LTF: variants seen among roughly 807,000 people sequenced by gnomAD.
The protein encoded by LTF is lactotransferrin, also known as epididymis luminal protein 110.
A neutral mutation model predicts 87.2 loss-of-function variants in LTF; 91 were observed. The ratio of observed to expected loss-of-function variants is 1.04; its 90% CI spans 0.88 to 1.24. The LOEUF is 1.24. Among genes scored for constraint, LTF ranks in the 50% most tolerant of loss-of-function variants. The pLI is 0.00. For missense variants in LTF, 901 were observed against 904.3 expected, an observed-to-expected ratio of 1.00 and a Z score of 0.05; for synonymous variants, 378 against 356.1, an observed-to-expected ratio of 1.06 and a Z score of -0.69.
intron 2 of LTF, among the ~76,000 whole-genome samples, 178 bp downstream of exon 2, chr3:46,459,476 CTT>C (rs1435292349): frequency 6.6e-6 from 1 of 152,246 alleles, no homozygotes; most frequent in Non-Finnish European, 1.5e-5. Flanking sequence ...GGTCTCTTGA[CTT>C]AAGCTCCTTC....
At chr3:46,438,865 A>T (rs1445046355) in intron 15 of LTF, among the ~76,000 whole-genome samples, 1 of 152,198 alleles carries the variant, frequency 6.6e-6, no homozygotes, top group East Asian at 1.9e-4. Context: ...TCTATAGGGC[A>T]CCTTCTGAGT....
At chr3:46,457,682 C>T (rs7629657) in intron 2 of LTF, among the ~76,000 whole-genome samples, 18,177 of 152,254 alleles carry the variant, frequency 0.12, 1,305 homozygotes, top group Admixed American at 0.21. Context: ...GTAAGGGGAA[C>T]ATCTCACAAG....
intron 13 of LTF, among the ~76,000 whole-genome samples, chr3:46,442,806 CAG>C: frequency 6.6e-6 from 1 of 152,272 alleles, no homozygotes; most frequent in African/African-American, 2.4e-5. Flanking sequence ...GGAAAAGGAA[CAG>C]GGGAAGATCC....
Position 46,456,145 on chromosome 3 carries a change from T to C in LTF, c.316+145A>G, listed in dbSNP as rs111575148. Reference sequence around the variant, plus strand: ...TCAGCGTCAGGAGGAACGGCCTTCATCTGGCCCAGAGCCCAGCGACTCCAT... The same window carrying C: ...TCAGCGTCAGGAGGAACGGCCTTCACCTGGCCCAGAGCCCAGCGACTCCAT... On this transcript the variant is annotated intron_variant, in intron 3 of 16. Transcript: ENST00000231751. The C allele has an allele frequency of 2.4e-5, 22 of 908,756 alleles. 1 individual carries two copies. In the African/African-American group the frequency reaches 2.5e-4, roughly 10 times the overall value. The allele number at this position is 908,756 out of a possible 1,614,324, so 56.3% of individuals were successfully genotyped here.
chr3:46,447,199 A>G (rs1189206438), intron 10 of LTF, 109 bp downstream of exon 10: 3 of 755,384 alleles, frequency 4.0e-6, no homozygotes, highest in Non-Finnish European at 6.9e-6. Context: ...TCCCTTTTGA[A>G]TGTATCTGTT....
chr3:46,456,363 A>G lies in LTF; in HGVS notation c.243T>C (p.Gly81=), dbSNP rs1702933507. ...GGGCCAGGCCTGCCTCGTATATGAA[A>G]CCACCATCAAGGGTCACAGCATCGG... ...NRADAVTLDG[G]FIYEAGLAPY... Residue 81 remains glycine (G), a synonymous_variant, in exon 3 of 17, where the codon GGT becomes GGC. Coordinates refer to ENST00000231751, the MANE Select transcript of LTF (RefSeq NM_002343.6). 1 of 1,613,982 alleles carries G rather than the reference A, an allele frequency of 6.2e-7. No individual in the cohort carries two copies. Among genetic ancestry groups the G allele is most frequent in the South Asian group, 1.1e-5 (1 of 91,074 alleles).
intron 13 of LTF, chr3:46,441,743 G>A: frequency 2.5e-6 from 1 of 396,396 alleles, no homozygotes; most frequent in Non-Finnish European, 4.5e-6. Flanking sequence ...CTAACATGAA[G>A]TAAGACAAAG....
chr3:46,466,321 T>G (rs1036821397), upstream of LTF, among the ~76,000 whole-genome samples: 1 of 152,190 alleles, frequency 6.6e-6, no homozygotes, highest in African/African-American at 2.4e-5. Flanking sequence ...CTGAACACCT[T>G]TCTTGGCAGG....
At chr3:46,482,749 A>AGG (rs56408874) in intron 1 of LTF, among the ~76,000 whole-genome samples, 3 of 144,320 alleles carry the variant, frequency 2.1e-5, no homozygotes, top group South Asian at 2.4e-4. Flanking sequence ...GAAGGAAGGA[A>AGG]AGAAGGAAAG....
chr3:46,468,870 G>C (rs902739049), upstream of LTF, among the ~76,000 whole-genome samples: 4 of 152,188 alleles, frequency 2.6e-5, no homozygotes, highest in Non-Finnish European at 4.4e-5. Flanking sequence ...ATCAGGCATA[G>C]TCGATGTATT....
intron 2 of LTF, among the ~76,000 whole-genome samples, chr3:46,469,950 C>T (rs905397454): frequency 6.6e-6 from 1 of 152,168 alleles, no homozygotes; most frequent in Non-Finnish European, 1.5e-5. Context: ...CCTCTTCTTC[C>T]TCTTCCTCTT....
intron 1 of LTF, 30 bp from the exon 2 acceptor site, chr3:46,459,849 T>G: frequency 6.7e-7 from 1 of 1,487,956 alleles, no homozygotes. Flanking sequence ...GAGTAAGGAT[T>G]CAACCACTGA....
At chr3:46,475,308 T>C (rs1184912040) in intron 1 of LTF, among the ~76,000 whole-genome samples, 1 of 152,214 alleles carries the variant, frequency 6.6e-6, no homozygotes, top group East Asian at 1.9e-4. Flanking sequence ...CAGACTCAAA[T>C]GGTTTCACTG....
At position 46,470,141 on chromosome 3, in the gene LTF, C is replaced by A. The variant is rs370974115; in HGVS notation, c.-214+220G>T. Among the ~76,000 whole-genome samples the A allele has an allele frequency of 1.5e-4, 23 of 152,368 alleles. No homozygotes were observed. In the East Asian group the frequency reaches 2.9e-3, roughly 19 times the overall value. ...CCACCCCACTTCTGAGTTTTCAATT[C>A]TCCTGGCCGGGATAGCACCCCAAGT... is the stretch of plus-strand genomic sequence containing the variant. On this transcript the variant is annotated intron_variant, in intron 2 of 19. Transcript: ENST00000443496.
At chr3:46,445,853 T>G (rs1225579535) in intron 11 of LTF, among the ~76,000 whole-genome samples, 2 of 152,236 alleles carry the variant, frequency 1.3e-5, no homozygotes, top group Non-Finnish European at 2.9e-5. Context: ...CTAACGGCTG[T>G]GTGGGTACAG....
Position 46,455,853 on chromosome 3 carries a change from T to A in LTF, c.442A>T (p.Ile148Leu). ...TTCAAGAATGGACGAAGTGTCCCTA[T>A]AGGGACATTCCATCCAGCGGTCCTG... ...LRRTAGWNVP[I>L]GTLRPFLNWT... The change falls in exon 4 of 17, where the codon ATA becomes TTA. Residue 148 changes from isoleucine to leucine, a missense_variant. Coordinates refer to ENST00000231751, the MANE Select transcript of LTF (RefSeq NM_002343.6). The A allele has an allele frequency of 6.2e-7, 1 of 1,612,312 alleles. No homozygotes were observed. Among genetic ancestry groups the A allele is most frequent in the Non-Finnish European group, 8.5e-7 (1 of 1,179,192 alleles).
At chr3:46,467,468 TG>T (rs1703230509), upstream of LTF, among the ~76,000 whole-genome samples, 1 of 151,952 alleles carries the variant, frequency 6.6e-6, no homozygotes, top group African/African-American at 2.4e-5. Context: ...AGATTTAGCC[TG>T]GGTACCTGAA....
chr3:46,477,756 A>C (rs1302969671), intron 1 of LTF, among the ~76,000 whole-genome samples: 3 of 152,230 alleles, frequency 2.0e-5, no homozygotes, highest in African/African-American at 7.2e-5. Flanking sequence ...ACAAGGCCAA[A>C]CCATACAGTG....
intron 2 of LTF, among the ~76,000 whole-genome samples, chr3:46,457,806 C>T (rs1401748341): frequency 6.6e-6 from 1 of 151,884 alleles, no homozygotes; most frequent in Admixed American, 6.6e-5. Flanking sequence ...TTTATTTTTT[C>T]GAGCGGAGTC....
Sources: allele counts gnomAD v4.1 joint callset (sites outside exome capture counted in the v4.1 genomes callset), GRCh38; gene constraint gnomAD v4.1.1; transcripts MANE v1.5; gene names NCBI Gene and HGNC (gene_info 2026-07-23, HGNC 2026-07-21).